KIF14: variants seen among roughly 807,000 people sequenced by gnomAD.
The protein encoded by KIF14 is kinesin family member 14.
Under a neutral mutation model 176.2 loss-of-function variants are expected in KIF14, and 98 were observed. The ratio of observed to expected loss-of-function variants is 0.56; its 90% confidence interval spans 0.47 to 0.66. KIF14 has a LOEUF of 0.66. Among genes scored for constraint, KIF14 ranks in the 30% least tolerant of loss-of-function variants. The pLI, the probability that KIF14 is intolerant of heterozygous loss-of-function variation, is 0.00. For synonymous variants in KIF14, 566 were observed against 632.2 expected (o/e 0.90, Z 1.57); for missense variants, 1,751 against 1,920.4 (o/e 0.91, Z 1.65).
At chr1:200,556,253 G>A (rs1336669858) in intron 27 of KIF14, among the ~76,000 whole-genome samples, 1 of 151,742 alleles carries the variant, frequency 6.6e-6, no homozygotes, top group East Asian at 1.9e-4. Context: ...TGTTTAATTG[G>A]CTTTACTCAC....
intron 21 of KIF14, among the ~76,000 whole-genome samples, chr1:200,577,744 T>G (rs1658207088): frequency 6.7e-6 from 1 of 150,316 alleles, no homozygotes; most frequent in South Asian, 2.1e-4. Flanking sequence ...TGGTTGGTAA[T>G]TCTCTTCTGA....
rs1656646103 is a variant in KIF14 at position 200,553,322 on chromosome 1, G to A, written c.*66C>T. 9 of 1,483,814 alleles carry A rather than the reference G, an allele frequency of 6.1e-6. No homozygotes were observed. The highest frequency in any genetic ancestry group is 8.1e-6 in the Non-Finnish European group (9 of 1,107,224). 91.9% of individuals were successfully genotyped at this position (1,483,814 alleles called of 1,614,324 possible). A position where few individuals can be genotyped will look rare whatever the true frequency, so the allele number is the denominator to read the frequency against. On this transcript the variant is annotated 3_prime_UTR_variant, in exon 30 of 30. Transcript: ENST00000367350. Reference sequence around the variant, plus strand: ...TTTCTCTTAAACTCTCCTGCATAAAGAAAATTACCGAGCAAGTGTTCTTTT... The same window carrying A: ...TTTCTCTTAAACTCTCCTGCATAAAAAAAATTACCGAGCAAGTGTTCTTTT...
chr1:200,572,321 T>C lies in KIF14; in HGVS notation c.3567-2316A>G, dbSNP rs188821992. Among the ~76,000 whole-genome samples the C allele has an allele frequency of 5.9e-5, 9 of 152,338 alleles. No individual in the cohort carries two copies. In the East Asian group the frequency reaches 1.7e-3, roughly 29 times the overall value. On this transcript the variant is annotated intron_variant, in intron 22 of 29. Coordinates refer to ENST00000367350, the MANE Select transcript of KIF14 (RefSeq NM_014875.3). ...TTAAAAGTCAACAGAAAATAAGATG[T>C]AAATTACCAACATCTAGGAGGCTAA...
In KIF14 at chr1:200,598,590, G is replaced by A. The variant is rs112657886; in HGVS notation, c.2365-169C>T. On this transcript the variant is annotated intron_variant, in intron 13 of 29. Coordinates refer to ENST00000367350, the MANE Select transcript of KIF14 (RefSeq NM_014875.3). ...TTTTATTTTTTTGAGACAGAGTCTC[G>A]CTGTGTCACCCAGGCTGGAGTGCAG... Among the ~76,000 whole-genome samples, 860 of 151,848 alleles carry A rather than the reference G, an allele frequency of 5.7e-3. 5 individuals are homozygous for A. Among genetic ancestry groups the A allele is most frequent in the Non-Finnish European group, 0.01 (686 of 67,948 alleles).
chr1:200,584,073 C>T (rs1054581274), intron 19 of KIF14, among the ~76,000 whole-genome samples: 1 of 151,924 alleles, frequency 6.6e-6, no homozygotes, highest in Non-Finnish European at 1.5e-5. Flanking sequence ...GAAACCCCAT[C>T]GCTACTAAAA....
At chr1:200,558,883 C>T (rs887051761) in intron 27 of KIF14, among the ~76,000 whole-genome samples, 1 of 152,172 alleles carries the variant, frequency 6.6e-6, no homozygotes, top group Non-Finnish European at 1.5e-5. Context: ...CACTGAAATG[C>T]TTATTGGTTC....
rs746911101 is a variant in KIF14, at chr1:200,559,431, A to G, written c.4252T>C (p.Cys1418Arg). The change falls in exon 27 of 30, where the codon TGT becomes CGT. Residue 1418 changes from cysteine to arginine, a missense_variant. Coordinates refer to ENST00000367350, the MANE Select transcript of KIF14 (RefSeq NM_014875.3). Reference protein sequence around the residue: ...SVQEEFMDAVCDGVGLGMKIL... With the variant: ...SVQEEFMDAVRDGVGLGMKIL... ...TTCATTCCTAAGCCTACACCATCAC[A>G]AACAGCATCCATGAATTCCTCCTAG... is the stretch of plus-strand genomic sequence containing the variant. 6.5e-7 allele frequency: 1 copy of G among 1,545,930 alleles called. No homozygotes were observed. Among genetic ancestry groups the G allele is most frequent in the South Asian group, 1.3e-5 (1 of 76,804 alleles).
At chr1:200,601,448 TAGAA>T (rs1659619594) in intron 11 of KIF14, among the ~76,000 whole-genome samples, 1 of 152,106 alleles carries the variant, frequency 6.6e-6, no homozygotes, top group Admixed American at 6.5e-5. Flanking sequence ...TAGAGATAAA[TAGAA>T]AGCAGTATTT....
intron 22 of KIF14, among the ~76,000 whole-genome samples, chr1:200,570,788 C>T (rs550528438): frequency 6.6e-6 from 1 of 152,104 alleles, no homozygotes; most frequent in Non-Finnish European, 1.5e-5. Flanking sequence ...GGTACATGTG[C>T]AGGTTTGTTA....
chr1:200,618,636 G>C lies in KIF14; in HGVS notation c.88C>G (p.Leu30Val). Residue 30 changes from leucine to valine, a missense_variant, in exon 2 of 30, where the codon CTC (leucine) becomes GTC (valine). By Grantham distance (32) the Leu-to-Val change is conservative. Coordinates refer to ENST00000367350, the MANE Select transcript of KIF14 (RefSeq NM_014875.3). ...AGCTTAAGTCGGCTACTGTGGGTGA[G>C]GGCATTCAGTGATGAACTATTTTGG... ...SSQNSSSLNA[L>V]THSSRLKLHL... is the part of the protein sequence containing the mutation. 1 of 1,613,972 alleles carries C rather than the reference G, an allele frequency of 6.2e-7. No individual in the cohort carries two copies. The highest frequency in any genetic ancestry group is 8.5e-7 in the Non-Finnish European group (1 of 1,180,006).
intron 26 of KIF14, among the ~76,000 whole-genome samples, 172 bp from the exon 27 acceptor site, chr1:200,559,624 GAACT>G (rs1657020036): frequency 6.6e-6 from 1 of 152,098 alleles, no homozygotes; most frequent in African/African-American, 2.4e-5. Flanking sequence ...GCTAGAATAA[GAACT>G]AACAGTCTGT....
intron 8 of KIF14, 32 bp downstream of exon 8, chr1:200,605,251 T>G: frequency 6.4e-7 from 1 of 1,558,886 alleles, no homozygotes. Flanking sequence ...GGGTGAAAAC[T>G]GAAAGAGATC....
intron 18 of KIF14, among the ~76,000 whole-genome samples, chr1:200,587,583 G>C (rs1472350813): frequency 6.6e-6 from 1 of 152,156 alleles, no homozygotes; most frequent in African/African-American, 2.4e-5. Flanking sequence ...GGGAGGCCAA[G>C]GCGGGAGAAT....
rs201342001 is a variant in KIF14, at chr1:200,603,244, C to T, written c.1961G>A (p.Arg654His). 7 of 1,596,966 alleles carry T rather than the reference C, an allele frequency of 4.4e-6. No individual in the cohort carries two copies. Among genetic ancestry groups the T allele is most frequent in the Admixed American group, 1.7e-5 (1 of 59,802 alleles). The change falls in exon 10 of 30, where the codon CGT (arginine) becomes CAT (histidine). Residue 654 changes from arginine to histidine, a missense_variant. Physicochemically the swap from Arg to His is conservative, Grantham distance 29. Transcript: ENST00000367350. ...ANQRSVFIPY[R>H]ESVLTWLLKE... ...TACTTGCCATGTAAGAACAGATTCA[C>T]GATAAGGAATAAAAACACTCCTTTG...
intron 7 of KIF14, 135 bp downstream of exon 7, chr1:200,605,724 AAACTT>A (rs1659847206): frequency 1.7e-6 from 1 of 579,780 alleles, no homozygotes; most frequent in African/African-American, 2.0e-5. Flanking sequence ...ATTTTGATTA[AAACTT>A]AACAAAATCG....
At chr1:200,580,523 A>C (rs1014663267) in intron 20 of KIF14, 140 bp from the exon 21 acceptor site, 4 of 393,084 alleles carry the variant, frequency 1.0e-5, no homozygotes, top group African/African-American at 8.4e-5. Context: ...TTTTTATTAT[A>C]GTAATAATCA....
chr1:200,572,557 A>C lies in KIF14; in HGVS notation c.3567-2552T>G, dbSNP rs143230797. 8.8e-3 allele frequency among the ~76,000 whole-genome samples: 1,333 copies of C among 152,142 alleles called. 20 individuals are homozygous for C. Among genetic ancestry groups the C allele is most frequent in the African/African-American group, 0.029 (1,214 of 41,522 alleles). On this transcript the variant is annotated intron_variant, in intron 22 of 29. Coordinates refer to ENST00000367350, the MANE Select transcript of KIF14 (RefSeq NM_014875.3). ...ACGGGGTTTCACCGTGTTAGCCAGG[A>C]TGGTCTCAATCTCCTGACCTTGTGA...
rs748520090 is a variant in KIF14 at position 200,608,872 on chromosome 1, G to T, written c.1512C>A (p.Asp504Glu). Residue 504 changes from aspartate to glutamate, a missense_variant, in exon 5 of 30, where the codon GAC becomes GAA. Asp to Glu is a conservative substitution (Grantham distance 45). Transcript: ENST00000367350. ...CATTTTCATCTTTACAAACCAGAAG[G>T]TCGTGAATTTTTTCATTATATACTT... Reference protein sequence around the residue: ...FFEVYNEKIHDLLVCKDENGQ... With the variant: ...FFEVYNEKIHELLVCKDENGQ... 29 of 1,610,638 alleles carry T rather than the reference G, an allele frequency of 1.8e-5. No homozygotes were observed. Among genetic ancestry groups the T allele is most frequent in the Non-Finnish European group, 2.2e-5 (26 of 1,177,334 alleles).
At chr1:200,599,108 TTC>T (rs1232563657) in intron 13 of KIF14, among the ~76,000 whole-genome samples, 3 of 152,206 alleles carry the variant, frequency 2.0e-5, no homozygotes, top group African/African-American at 7.2e-5. Context: ...CGTCAACAGC[TTC>T]TGTTTTCAAT....
Sources: allele counts gnomAD v4.1 joint callset (sites outside exome capture counted in the v4.1 genomes callset), GRCh38; gene constraint gnomAD v4.1.1; transcripts MANE v1.5; gene names NCBI Gene and HGNC (gene_info 2026-07-23, HGNC 2026-07-21).